The following TNR variants were observed in gnomAD, a reference collection of about 807,000 sequenced individuals.
TNR encodes the protein tenascin-R.
In TNR, 45 loss-of-function variants were observed where a neutral mutation model predicts 150.4. The observed-to-expected ratio is 0.30, with a 90% CI of 0.24 to 0.38. TNR has a LOEUF of 0.38. Ranked by LOEUF, TNR falls within the 10% of genes least tolerant of loss-of-function variation. The pLI is 1.00. For missense variants in TNR, 1,544 were observed against 1,759.1 expected (o/e 0.88, Z 2.19); for synonymous variants, 687 against 678.4 (o/e 1.01, Z -0.20).
chr1:175,648,291 A>T (rs532602107), intron 1 of TNR, among the ~76,000 whole-genome samples: 2 of 152,278 alleles, frequency 1.3e-5, no homozygotes, highest in Admixed American at 1.3e-4. Context: ...ATACGTGCTC[A>T]ATGGATATAG....
intron 1 of TNR, among the ~76,000 whole-genome samples, chr1:175,661,413 C>A (rs1665367863): frequency 6.6e-6 from 1 of 152,164 alleles, no homozygotes; most frequent in African/African-American, 2.4e-5. Context: ...GAAATAGGAA[C>A]TCAGAGCTGG....
intron 1 of TNR, among the ~76,000 whole-genome samples, chr1:175,676,020 G>C (rs1334727459): frequency 6.6e-6 from 1 of 152,152 alleles, no homozygotes; most frequent in African/African-American, 2.4e-5. Flanking sequence ...AATATGCATG[G>C]TGCCATAGTA....
At chr1:175,508,709 G>A (rs1571539606) in intron 2 of TNR, among the ~76,000 whole-genome samples, 1 of 152,160 alleles carries the variant, frequency 6.6e-6, no homozygotes, top group South Asian at 2.1e-4. Flanking sequence ...TGCATCCCCA[G>A]CTAACAGCTT....
chr1:175,569,143 G>C (rs1661763343), intron 1 of TNR, among the ~76,000 whole-genome samples: 1 of 152,118 alleles, frequency 6.6e-6, no homozygotes, highest in South Asian at 2.1e-4. Context: ...GCTACCCAAA[G>C]GGCTAGGAAG....
rs748588761 is a variant in TNR at position 175,403,407 on chromosome 1, T to A, written c.709A>T (p.Thr237Ser). The change falls in exon 4 of 23, where the codon ACA becomes TCA. Residue 237 changes from threonine (T) to serine (S), a missense_variant. Around this residue, in one of 2 missense-constraint regions of TNR, gnomAD observed 1,254 missense variants for 1,329.4 expected, o/e 0.94. Coordinates refer to ENST00000367674, the MANE Select transcript of TNR (RefSeq NM_003285.3). ...CAGAGCCCCCGGGAGCTGCAGTCTG[T>A]TGGGCACCGGAGTTCGGAACAGTCA... ...GDDCSELRCPTDCSSRGLCVD... is the reference protein window; with the variant it reads ...GDDCSELRCPSDCSSRGLCVD... The A allele has an allele frequency of 1.9e-6, 3 of 1,614,162 alleles. No homozygotes were observed. The East Asian group carries it at 6.7e-5, about 36-fold the overall frequency.
At chr1:175,495,274 A>G (rs1658438359) in intron 2 of TNR, among the ~76,000 whole-genome samples, 1 of 152,178 alleles carries the variant, frequency 6.6e-6, no homozygotes, top group Non-Finnish European at 1.5e-5. Context: ...GGGAGTGACA[A>G]CACCTCACAG....
intron 1 of TNR, among the ~76,000 whole-genome samples, chr1:175,622,222 T>G (rs1663999131): frequency 6.6e-6 from 1 of 152,242 alleles, no homozygotes; most frequent in Non-Finnish European, 1.5e-5. Flanking sequence ...AGGAGCACTG[T>G]AGGCAAAAAA....
intron 1 of TNR, among the ~76,000 whole-genome samples, chr1:175,543,487 G>A (rs1660576339): frequency 6.6e-6 from 1 of 152,182 alleles, no homozygotes; most frequent in Admixed American, 6.5e-5. Context: ...CCAGAGAGCA[G>A]CCAGAGAGTA....
intron 1 of TNR, among the ~76,000 whole-genome samples, chr1:175,717,844 G>A (rs1017899164): frequency 5.3e-5 from 8 of 152,100 alleles, no homozygotes; most frequent in African/African-American, 1.2e-4. Flanking sequence ...ATGGGTGAGC[G>A]CACATGCACA....
chr1:175,432,683 C>A (rs1203400036), intron 2 of TNR, among the ~76,000 whole-genome samples: 2 of 150,890 alleles, frequency 1.3e-5, no homozygotes, highest in Non-Finnish European at 3.0e-5. Context: ...TTTTTTATTG[C>A]TTTATGTTCT....
intron 1 of TNR, among the ~76,000 whole-genome samples, chr1:175,568,549 A>G (rs575707638): frequency 1.8e-4 from 28 of 152,104 alleles, no homozygotes; most frequent in South Asian, 6.2e-4. Context: ...TCTTTGCACT[A>G]TGTGCTCTCC....
chr1:175,406,704 T>A lies in TNR; in HGVS notation c.11A>T (p.Asp4Val). The A allele has an allele frequency of 1.2e-6, 2 of 1,613,828 alleles. No homozygotes were observed. Among genetic ancestry groups the A allele is most frequent in the Admixed American group, 1.7e-5 (1 of 60,024 alleles). MGA[D>V]GETVVLKNML... ...GTTCTTCAGAACCACTGTTTCCCCA[T>A]CTGCCCCCATCCTCTCAGCCAGAGA... is the stretch of plus-strand genomic sequence containing the variant. Residue 4 changes from aspartate to valine, a missense_variant, in exon 3 of 23, where the codon GAT becomes GTT. By Grantham distance (152) the Asp-to-Val change is radical (BLOSUM62 -3). This residue lies in a region of TNR where 1,254 missense variants were observed against 1,329.4 expected (regional missense o/e 0.94). Coordinates refer to ENST00000367674, the MANE Select transcript of TNR (RefSeq NM_003285.3).
At chr1:175,385,988 C>G in intron 8 of TNR, 44 bp downstream of exon 8, 1 of 1,525,552 alleles carries the variant, frequency 6.6e-7, no homozygotes. Flanking sequence ...TTGGCTCCAC[C>G]CCTCTTTCCC....
intron 1 of TNR, among the ~76,000 whole-genome samples, chr1:175,637,174 T>C (rs1316510202): frequency 6.6e-6 from 1 of 152,202 alleles, no homozygotes. Flanking sequence ...TCTCTGGGCT[T>C]GCCTTTTGTT....
chr1:175,638,704 T>C (rs1459849921), intron 1 of TNR, among the ~76,000 whole-genome samples: 2 of 152,114 alleles, frequency 1.3e-5, no homozygotes, highest in Non-Finnish European at 2.9e-5. Flanking sequence ...ATCCCTCCCA[T>C]GATGATTGGA....
At chr1:175,440,182 A>G (rs963966028) in intron 2 of TNR, among the ~76,000 whole-genome samples, 3 of 152,176 alleles carry the variant, frequency 2.0e-5, no homozygotes, top group Non-Finnish European at 4.4e-5. Flanking sequence ...ACGCCATGGA[A>G]TACTATGCAG....
intron 2 of TNR, among the ~76,000 whole-genome samples, chr1:175,510,959 A>G (rs2102159113): frequency 6.6e-6 from 1 of 152,378 alleles, no homozygotes; most frequent in South Asian, 2.1e-4. Flanking sequence ...ACTGAAAGGA[A>G]TTAGCTGCTT....
chr1:175,593,235 G>A (rs1048238388), intron 1 of TNR, among the ~76,000 whole-genome samples: 2 of 152,120 alleles, frequency 1.3e-5, no homozygotes, highest in Non-Finnish European at 2.9e-5. Context: ...TATTTGCCAT[G>A]GTTGTATGGA....
intron 1 of TNR, among the ~76,000 whole-genome samples, chr1:175,536,946 G>A (rs1660315335): frequency 6.6e-6 from 1 of 152,142 alleles, no homozygotes; most frequent in African/African-American, 2.4e-5. Context: ...CCTTCAAACT[G>A]GGAGTGCTCC....
Sources: gnomAD v4.1 joint callset for allele counts (sites outside exome capture counted in the v4.1 genomes callset) on GRCh38, gnomAD v4.1.1 for gene constraint, gnomAD v4.1.1 regional missense constraint, MANE v1.5 for transcripts, NCBI Gene and HGNC (gene_info 2026-07-23, HGNC 2026-07-21) for gene names.